EYS: variants seen among roughly 807,000 people sequenced by gnomAD.
EYS encodes protein eyes shut homolog.
EYS carries 250 observed loss-of-function variants against 282.1 expected under a neutral mutation model. The observed-to-expected ratio is 0.89, with a 90% CI of 0.80 to 0.98. The LOEUF is 0.98. Among genes scored for constraint, EYS ranks in the 50% least tolerant of loss-of-function variants. The pLI is 0.00. For synonymous variants in EYS, 1,355 were observed against 1,282.9 expected (o/e 1.06, Z -1.20); for missense variants, 4,016 against 3,709.0 (o/e 1.08, Z -2.15).
At chr6:64,571,397 A>C (rs1765721123) in intron 26 of EYS, among the ~76,000 whole-genome samples, 1 of 152,168 alleles carries the variant, frequency 6.6e-6, no homozygotes, top group South Asian at 2.1e-4. Flanking sequence ...AAATTCAAAA[A>C]CCAGCAGAAG....
At chr6:64,998,957 G>A (rs897227844) in intron 13 of EYS, among the ~76,000 whole-genome samples, 2 of 152,114 alleles carry the variant, frequency 1.3e-5, no homozygotes, top group Admixed American at 6.5e-5. Flanking sequence ...TTGATGTTAC[G>A]TGTTCTATGA....
rs148341822 is a variant in EYS at position 64,293,989 on chromosome 6, A to C, written c.6191+12981T>G. Among the ~76,000 whole-genome samples the C allele has an allele frequency of 2.5e-3, 375 of 152,272 alleles. 1 individual carries two copies. The highest frequency in any genetic ancestry group is 8.2e-3 in the African/African-American group (340 of 41,572). ...AGACATAAGCAAATATGTGATAATAAAATTTTTGTGCCTGAGGTATACGCT... is the reference window on the plus strand; with the variant it reads ...AGACATAAGCAAATATGTGATAATACAATTTTTGTGCCTGAGGTATACGCT... On this transcript the variant is annotated intron_variant, in intron 30 of 42. Transcript: ENST00000503581.
At chr6:63,985,660 A>C (rs2149792995) in intron 34 of EYS, among the ~76,000 whole-genome samples, 1 of 151,844 alleles carries the variant, frequency 6.6e-6, no homozygotes, top group African/African-American at 2.4e-5. Context: ...TCAGATCAAG[A>C]AAAGACTCTT....
intron 8 of EYS, among the ~76,000 whole-genome samples, chr6:65,368,208 A>G (rs1229647768): frequency 6.6e-6 from 1 of 151,498 alleles, no homozygotes; most frequent in Non-Finnish European, 1.5e-5. Flanking sequence ...ATTACCTCCC[A>G]CTGGTTCCCT....
chr6:64,511,475 C>T (rs766213376), intron 26 of EYS, among the ~76,000 whole-genome samples: 67 of 151,888 alleles, frequency 4.4e-4, no homozygotes, highest in Non-Finnish European at 7.7e-4. Flanking sequence ...GTTCTTGAGG[C>T]TTCAATTTAA....
intron 30 of EYS, among the ~76,000 whole-genome samples, chr6:64,245,356 A>C (rs1668698830): frequency 6.6e-6 from 1 of 151,886 alleles, no homozygotes; most frequent in Non-Finnish European, 1.5e-5. Context: ...GCAGCATCTT[A>C]GTTGCCTAGG....
intron 5 of EYS, among the ~76,000 whole-genome samples, chr6:65,470,756 T>G (rs1765179181): frequency 6.6e-6 from 1 of 152,176 alleles, no homozygotes; most frequent in Admixed American, 6.5e-5. Context: ...TGACATGTCA[T>G]CCACATTAAT....
intron 8 of EYS, among the ~76,000 whole-genome samples, chr6:65,357,499 C>G (rs1764533039): frequency 6.6e-6 from 1 of 151,888 alleles, no homozygotes; most frequent in Admixed American, 6.6e-5. Flanking sequence ...AAAGGGGAAA[C>G]ATTAAAATAT....
At chr6:65,399,832 C>T (rs1433418344) in intron 7 of EYS, among the ~76,000 whole-genome samples, 1 of 152,010 alleles carries the variant, frequency 6.6e-6, no homozygotes, top group Non-Finnish European at 1.5e-5. Flanking sequence ...GATCATTGTT[C>T]TGGCTCTCCT....
intron 2 of EYS, among the ~76,000 whole-genome samples, chr6:65,561,433 C>A (rs1769053768): frequency 2.0e-5 from 3 of 152,100 alleles, no homozygotes; most frequent in African/African-American, 4.8e-5. Flanking sequence ...ATAGTGCAGT[C>A]CCCCTTTTCT....
intron 41 of EYS, among the ~76,000 whole-genome samples, chr6:63,740,061 A>G (rs1769034221): frequency 6.6e-6 from 1 of 152,152 alleles, no homozygotes; most frequent in African/African-American, 2.4e-5. Context: ...CACTTTTGGA[A>G]CCACAAAAAT....
At chr6:65,258,471 T>C (rs539980648) in intron 12 of EYS, among the ~76,000 whole-genome samples, 2 of 152,198 alleles carry the variant, frequency 1.3e-5, no homozygotes, top group African/African-American at 4.8e-5. Flanking sequence ...CTATCGTGCA[T>C]GGTAGTTTAA....
intron 36 of EYS, among the ~76,000 whole-genome samples, chr6:63,810,484 G>T (rs1771020723): frequency 6.6e-6 from 1 of 152,154 alleles, no homozygotes; most frequent in Non-Finnish European, 1.5e-5. Context: ...CCCACCGGCT[G>T]GTAGTAAAAC....
chr6:64,321,070 CT>C (rs1360077189), intron 29 of EYS, among the ~76,000 whole-genome samples: 2 of 151,684 alleles, frequency 1.3e-5, no homozygotes, highest in Non-Finnish European at 3.0e-5. Flanking sequence ...TTTCAAGTTT[CT>C]AAGTAATATG....
At chr6:65,475,645 T>C (rs2127247978) in intron 5 of EYS, among the ~76,000 whole-genome samples, 1 of 152,206 alleles carries the variant, frequency 6.6e-6, no homozygotes, top group African/African-American at 2.4e-5. Context: ...GGTCAATAAC[T>C]GTTTTAAAAT....
chr6:64,696,549 G>C (rs1362934775), intron 22 of EYS, among the ~76,000 whole-genome samples: 1 of 152,044 alleles, frequency 6.6e-6, no homozygotes, highest in African/African-American at 2.4e-5. Flanking sequence ...ATGACATGTA[G>C]CCATTAGACT....
chr6:65,459,985 T>C (rs1582324607), intron 5 of EYS, among the ~76,000 whole-genome samples: 2 of 133,214 alleles, frequency 1.5e-5, no homozygotes, highest in South Asian at 2.3e-4. Context: ...TATATATATA[T>C]ATATATATAT....
intron 2 of EYS, among the ~76,000 whole-genome samples, chr6:65,610,802 T>G (rs186196739): frequency 2.5e-3 from 378 of 152,234 alleles, no homozygotes; most frequent in Non-Finnish European, 4.0e-3. Flanking sequence ...AATTACTTTT[T>G]AAAATATCGT....
In EYS at chr6:63,762,465, T is replaced by A. The variant is rs1481336665; in HGVS notation, c.8067A>T (p.Glu2689Asp). ...TGATTTGAAATTCTGCCTCACCTTG[T>A]TCACAGTAGATTCCAGTGGTTCCTA... ...CPLGTTGIYC[E>D]QALSISDPSF... Residue 2689 changes from glutamate to aspartate, a missense_variant, in exon 41 of 43, where the codon GAA (glutamate) becomes GAT (aspartate). Glu to Asp is a conservative substitution (Grantham distance 45). Coordinates refer to ENST00000503581, the MANE Select transcript of EYS (RefSeq NM_001142800.2). The A allele has an allele frequency of 6.5e-7, 1 of 1,549,832 alleles. No individual in the cohort carries two copies. The highest frequency in any genetic ancestry group is 2.4e-5 in the East Asian group (1 of 40,888).
Sources: allele counts gnomAD v4.1 joint callset (sites outside exome capture counted in the v4.1 genomes callset), GRCh38; gene constraint gnomAD v4.1.1; transcripts MANE v1.5; gene names NCBI Gene and HGNC (gene_info 2026-07-23, HGNC 2026-07-21).